L3MBTL1: variants seen among roughly 807,000 people sequenced by gnomAD.
L3MBTL1 encodes the protein lethal(3)malignant brain tumor-like protein 1.
In L3MBTL1, 75 loss-of-function variants were observed where a neutral mutation model predicts 105.3. The ratio of observed to expected loss-of-function variants is 0.71; its 90% confidence interval spans 0.59 to 0.86. L3MBTL1 has a LOEUF of 0.86. L3MBTL1 is among the 40% of genes least tolerant of loss of function. L3MBTL1 has a pLI of 0.00. For missense variants in L3MBTL1, 1,069 were observed against 1,126.4 expected (o/e 0.95, Z 0.73); for synonymous variants, 452 against 436.2 (o/e 1.04, Z -0.45).
intron 7 of L3MBTL1, among the ~76,000 whole-genome samples, chr20:43,526,618 G>T (rs188879250): frequency 1.3e-5 from 2 of 152,368 alleles, no homozygotes; most frequent in East Asian, 3.9e-4. Context: ...AGGCAGTTGA[G>T]ATCTCAAGGT....
At chr20:43,522,286 C>T (rs1236758718) in intron 7 of L3MBTL1, among the ~76,000 whole-genome samples, 9 of 151,848 alleles carry the variant, frequency 5.9e-5, no homozygotes, top group South Asian at 2.1e-4. Flanking sequence ...ACCCGTGAAC[C>T]GGAGGTTGCA....
At chr20:43,518,692 C>G (rs1391911488) in intron 7 of L3MBTL1, among the ~76,000 whole-genome samples, 3 of 151,646 alleles carry the variant, frequency 2.0e-5, no homozygotes, top group Non-Finnish European at 4.4e-5. Context: ...CCTATCCATA[C>G]CTACGATAAA....
At chr20:43,536,367 G>A (rs1308723785) in intron 18 of L3MBTL1, 42 bp from the exon 19 acceptor site, 1 of 1,613,682 alleles carries the variant, frequency 6.2e-7, no homozygotes. Context: ...GACTGGGCCA[G>A]ACACTGATTC....
chr20:43,510,752 C>T (rs2018114579), intron 1 of L3MBTL1, among the ~76,000 whole-genome samples: 1 of 151,694 alleles, frequency 6.6e-6, no homozygotes, highest in African/African-American at 2.4e-5. Flanking sequence ...GGGTCTCGCT[C>T]TGTCACCTAG....
intron 10 of L3MBTL1, 156 bp from the exon 11 acceptor site, chr20:43,530,642 C>T (rs992223062): frequency 1.4e-5 from 11 of 800,310 alleles, no homozygotes; most frequent in South Asian, 5.0e-5. Context: ...CTACTCAAGT[C>T]GTGTCCTGCT....
chr20:43,536,122 G>A lies in L3MBTL1; in HGVS notation c.1951G>A (p.Gly651Ser), dbSNP rs373335049. The change falls in exon 18 of 22, where the codon GGC becomes AGC. Residue 651 changes from glycine to serine, a missense_variant. By Grantham distance (56) the Gly-to-Ser change is moderately conservative (BLOSUM62 0). Transcript: ENST00000418998. ...GAAGTGCCCCACTCCTGGTTGCGAC[G>A]GCTCTGGCCATGTCACAGGCAAGTT... ...HRKCPTPGCD[G>S]SGHVTGKFTA... The A allele has an allele frequency of 8.1e-6, 13 of 1,613,384 alleles. No individual in the cohort carries two copies. In the African/African-American group the frequency reaches 9.3e-5, roughly 12 times the overall value.
intron 1 of L3MBTL1, among the ~76,000 whole-genome samples, chr20:43,507,947 G>A (rs909986800): frequency 6.6e-6 from 1 of 152,170 alleles, no homozygotes; most frequent in African/African-American, 2.4e-5. Flanking sequence ...CAGGGGGCCA[G>A]GCGGGTGCGG....
intron 7 of L3MBTL1, among the ~76,000 whole-genome samples, chr20:43,519,209 C>T (rs960515063): frequency 6.6e-6 from 1 of 151,472 alleles, no homozygotes; most frequent in Non-Finnish European, 1.5e-5. Context: ...TGGTGTTGAG[C>T]ATCTGTGGTC....
chr20:43,540,258 G>A lies in L3MBTL1; in HGVS notation c.2281G>A (p.Gly761Arg). 6.2e-7 allele frequency: 1 copy of A among 1,613,840 alleles called. No individual in the cohort carries two copies. The highest frequency in any genetic ancestry group is 8.5e-7 in the Non-Finnish European group (1 of 1,180,018). ...GGAGCAGCACTGCAAGCTCCTGCCA[G>A]GAGTAGCGGGCATCTCAGCCTCGAC... ...CWEQHCKLLPGVAGISASTVA... is the reference protein window; with the variant it reads ...CWEQHCKLLPRVAGISASTVA... The change falls in exon 20 of 22, where the codon GGA (glycine) becomes AGA (arginine). Residue 761 changes from glycine (G) to arginine (R), a missense_variant. Physicochemically the swap from Gly to Arg is moderately radical, Grantham distance 125. Coordinates refer to ENST00000418998, the MANE Select transcript of L3MBTL1 (RefSeq NM_001377303.1).
chr20:43,514,069 T>A lies in L3MBTL1; in HGVS notation c.360+8T>A. On this transcript the variant is annotated splice_region_variant and intron_variant, in intron 3 of 21. Coordinates refer to ENST00000418998, the MANE Select transcript of L3MBTL1 (RefSeq NM_001377303.1). The stretch of plus-strand genomic sequence containing the variant: ...CCAGGGGGCGGCCTGCGGGTCAGTG[T>A]CTGTGGGGATTGGCTAAGCCTCGTA... 6.5e-7 allele frequency: 1 copy of A among 1,530,842 alleles called. No individual in the cohort carries two copies. The highest frequency in any genetic ancestry group is 8.7e-7 in the Non-Finnish European group (1 of 1,144,256). The allele number at this position is 1,530,842 out of a possible 1,614,324, so 94.8% of individuals were successfully genotyped here.
At chr20:43,528,082 G>A (rs1006092758) in intron 7 of L3MBTL1, among the ~76,000 whole-genome samples, 3 of 152,004 alleles carry the variant, frequency 2.0e-5, no homozygotes, top group Non-Finnish European at 2.9e-5. Flanking sequence ...TAGTGGAGAC[G>A]GGGTTTCACC....
intron 10 of L3MBTL1, 185 bp from the exon 11 acceptor site, chr20:43,530,613 G>C (rs1373690424): frequency 3.9e-6 from 3 of 775,226 alleles, no homozygotes; most frequent in Non-Finnish European, 6.3e-6. Context: ...CTTCCGCTTT[G>C]CACTTGCCCT....
chr20:43,528,753 G>C lies in L3MBTL1; in HGVS notation c.951+8G>C. On this transcript the variant is annotated splice_region_variant and intron_variant, in intron 8 of 21. Transcript: ENST00000418998. ...GTCAGCCTCTTCCAGGACGTGAGTT[G>C]GACAATTTCCCCGTAGGAACAGCTT... is the stretch of plus-strand genomic sequence containing the variant. 6.2e-7 allele frequency: 1 copy of C among 1,607,320 alleles called. No homozygotes were observed. Among genetic ancestry groups the C allele is most frequent in the South Asian group, 1.1e-5 (1 of 90,912 alleles).
rs780479681 is a variant in L3MBTL1, at chr20:43,530,840, G to A, written c.1235G>A (p.Ser412Asn). The change falls in exon 11 of 22, where the codon AGC (serine) becomes AAC (asparagine). Residue 412 changes from serine (S) to asparagine (N), a missense_variant. By Grantham distance (46) the Ser-to-Asn change is conservative. Coordinates refer to ENST00000418998, the MANE Select transcript of L3MBTL1 (RefSeq NM_001377303.1). The part of the protein sequence containing the change: ...EEFSWSQYLR[S>N]TRAQAAPKHL... ...TTCAGCTGGAGCCAGTACCTGCGCA[G>A]CACAAGAGCTCAGGCTGCCCCCAAG... The A allele has an allele frequency of 3.1e-6, 5 of 1,614,162 alleles. No homozygotes were observed. Among genetic ancestry groups the A allele is most frequent in the Admixed American group, 3.3e-5 (2 of 60,024 alleles).
chr20:43,513,397 C>T, intron 1 of L3MBTL1, 79 bp from the exon 2 acceptor site: 3 of 1,406,804 alleles, frequency 2.1e-6, no homozygotes, highest in South Asian at 1.4e-5. Flanking sequence ...CTCAAAGAAG[C>T]CCCATCCCTT....
chr20:43,531,058 A>G lies in L3MBTL1; in HGVS notation c.1284+169A>G, dbSNP rs978007474. 1.3e-5 allele frequency: 8 copies of G among 605,578 alleles called. No homozygotes were observed. The East Asian group carries it at 1.4e-4, about 11-fold the overall frequency. The allele number at this position is 605,578 out of a possible 1,614,324, so 37.5% of individuals were successfully genotyped here. A position where few individuals can be genotyped will look rare whatever the true frequency, so the allele number is the denominator to read the frequency against. On this transcript the variant is annotated intron_variant, in intron 11 of 21. Transcript: ENST00000418998. ...GTACAGCTGGGCAGGGTCCAGGGCC[A>G]GAGATGGGAAGCTGGTTATAGGTTT...
In L3MBTL1 at chr20:43,541,760, C is replaced by T; in HGVS notation, c.*632C>T. On this transcript the variant is annotated 3_prime_UTR_variant, in exon 22 of 22. Coordinates refer to ENST00000418998, the MANE Select transcript of L3MBTL1 (RefSeq NM_001377303.1). ...AATGTGGAATCATTGACAGAAATGT[C>T]TTTATGTAGCATATGGCTGTGTATC... 2 of 925,184 alleles carry T rather than the reference C, an allele frequency of 2.2e-6. No homozygotes were observed. Among genetic ancestry groups the T allele is most frequent in the African/African-American group, 3.6e-5 (2 of 56,058 alleles). 57.3% of individuals were successfully genotyped at this position (925,184 alleles called of 1,614,324 possible).
Position 43,534,339 on chromosome 20 carries a change from A to G in L3MBTL1, c.1655A>G (p.Asn552Ser). 6.2e-7 allele frequency: 1 copy of G among 1,614,094 alleles called. No homozygotes were observed. The highest frequency in any genetic ancestry group is 8.5e-7 in the Non-Finnish European group (1 of 1,179,996). ...AAGCTGGAGGCTGTGGACCGCAGGA[A>G]CCCAGCCCTGATTCGCGTGGCCAGC... ...NMKLEAVDRR[N>S]PALIRVASVE... The change falls in exon 15 of 22, where the codon AAC becomes AGC. Residue 552 changes from asparagine (N) to serine (S), a missense_variant. Transcript: ENST00000418998.
At chr20:43,515,213 C>G in intron 5 of L3MBTL1, 54 bp downstream of exon 5, 4 of 1,613,966 alleles carry the variant, frequency 2.5e-6, no homozygotes, top group Non-Finnish European at 3.4e-6. Context: ...CCCAAAGCCT[C>G]ATTCCTGTTC....
Sources: gnomAD v4.1 joint callset for allele counts (sites outside exome capture counted in the v4.1 genomes callset) on GRCh38, gnomAD v4.1.1 for gene constraint, MANE v1.5 for transcripts, NCBI Gene and HGNC (gene_info 2026-07-23, HGNC 2026-07-21) for gene names.